NSUN3: variants seen among roughly 807,000 people sequenced by gnomAD.
The protein encoded by NSUN3 is tRNA (cytosine(34)-C(5))-methyltransferase, mitochondrial.
In NSUN3, 24 loss-of-function variants were observed where a neutral mutation model predicts 36.8. The observed-to-expected ratio is 0.65, with a 90% CI of 0.47 to 0.92. NSUN3 has a LOEUF of 0.92. Among genes scored for constraint, NSUN3 ranks in the 40% least tolerant of loss-of-function variants. The pLI, the probability that NSUN3 is intolerant of heterozygous loss-of-function variation, is 0.00. For missense variants in NSUN3, 381 were observed against 392.8 expected, an observed-to-expected ratio of 0.97 and a Z score of 0.25; for synonymous variants, 146 against 145.2, an observed-to-expected ratio of 1.01 and a Z score of -0.04.
intron 2 of NSUN3, among the ~76,000 whole-genome samples, 174 bp from the exon 3 acceptor site, chr3:94,083,933 T>C (rs770350221): frequency 2.6e-5 from 4 of 152,122 alleles, no homozygotes; most frequent in Admixed American, 6.6e-5. Context: ...CTGGATTCAG[T>C]CCTGTCAGAG....
At chr3:94,116,612 CTA>C (rs898101617) in intron 5 of NSUN3, among the ~76,000 whole-genome samples, 1 of 152,018 alleles carries the variant, frequency 6.6e-6, no homozygotes, top group Non-Finnish European at 1.5e-5. Context: ...GGATAACTAA[CTA>C]TGTGGTTAAC....
intron 3 of NSUN3, among the ~76,000 whole-genome samples, chr3:94,093,048 G>C (rs1166397820): frequency 6.6e-6 from 1 of 151,864 alleles, no homozygotes; most frequent in Non-Finnish European, 1.5e-5. Context: ...TTGGGAAATG[G>C]AGTAGTCCAT....
At chr3:94,109,099 G>A (rs930931350) in intron 5 of NSUN3, among the ~76,000 whole-genome samples, 1 of 152,188 alleles carries the variant, frequency 6.6e-6, no homozygotes, top group Non-Finnish European at 1.5e-5. Context: ...AACAGAATAG[G>A]GAGAAATTCC....
At position 94,130,325 on chromosome 3, in the gene NSUN3, A is replaced by G. The variant is rs1385774569; in HGVS notation, c.*3835A>G. On this transcript the variant is annotated 3_prime_UTR_variant, in exon 6 of 6. Transcript: ENST00000314622. ...ATCCTAGTAATAGCAGACCCTGCAC[A>G]AAGTGGATATCAGAGTTAATACTGT... 1.3e-5 allele frequency among the ~76,000 whole-genome samples: 2 copies of G among 152,210 alleles called. No individual in the cohort carries two copies. The highest frequency in any genetic ancestry group is 4.8e-5 in the African/African-American group (2 of 41,454).
At chr3:94,111,647 C>A (rs1354473573) in intron 5 of NSUN3, among the ~76,000 whole-genome samples, 1 of 151,836 alleles carries the variant, frequency 6.6e-6, no homozygotes, top group Non-Finnish European at 1.5e-5. Flanking sequence ...ATACTTTAGC[C>A]TAGGCCTGCA....
intron 5 of NSUN3, among the ~76,000 whole-genome samples, chr3:94,107,702 C>T (rs2077395830): frequency 6.6e-6 from 1 of 152,100 alleles, no homozygotes; most frequent in Admixed American, 6.5e-5. Flanking sequence ...GTGTAAGGGA[C>T]AACTGACATT....
chr3:94,101,345 AT>A (rs1168281777), intron 5 of NSUN3, among the ~76,000 whole-genome samples: 1 of 152,082 alleles, frequency 6.6e-6, no homozygotes, highest in Non-Finnish European at 1.5e-5. Context: ...ACTCCTTAAA[AT>A]TTTTTAAAAT....
chr3:94,069,938 A>G (rs896909991), intron 2 of NSUN3, among the ~76,000 whole-genome samples: 4 of 152,166 alleles, frequency 2.6e-5, no homozygotes, highest in Admixed American at 2.0e-4. Context: ...AAATTCAGTT[A>G]TTCTTGTGTA....
At chr3:94,071,056 G>T (rs912546520) in intron 2 of NSUN3, among the ~76,000 whole-genome samples, 1 of 152,192 alleles carries the variant, frequency 6.6e-6, no homozygotes, top group South Asian at 2.1e-4. Context: ...CACAAAATAG[G>T]CATAAAAATG....
chr3:94,108,879 G>A (rs548011205), intron 5 of NSUN3, among the ~76,000 whole-genome samples: 1 of 151,786 alleles, frequency 6.6e-6, no homozygotes, highest in Admixed American at 6.6e-5. Flanking sequence ...TGGTCAGGCT[G>A]GTCTCGAACT....
At chr3:94,075,738 C>A (rs528435978) in intron 2 of NSUN3, among the ~76,000 whole-genome samples, 24 of 152,110 alleles carry the variant, frequency 1.6e-4, no homozygotes, top group African/African-American at 5.3e-4. Context: ...AAGCCCCCCC[C>A]CCCAATAATA....
rs2077503499 is a variant in NSUN3 at position 94,129,989 on chromosome 3, T to C, written c.*3499T>C. Among the ~76,000 whole-genome samples, 1 of 151,976 alleles carries C rather than the reference T, an allele frequency of 6.6e-6. No homozygotes were observed. Among genetic ancestry groups the C allele is most frequent in the African/African-American group, 2.4e-5 (1 of 41,362 alleles). Reference sequence around the variant, plus strand: ...CAGGTTGATCTTGAACTCCTGACCTTGTCATCCACCTGCCTCAGCCTCCCA... The same window carrying C: ...CAGGTTGATCTTGAACTCCTGACCTCGTCATCCACCTGCCTCAGCCTCCCA... On this transcript the variant is annotated 3_prime_UTR_variant, in exon 6 of 6. Transcript: ENST00000314622.
intron 5 of NSUN3, among the ~76,000 whole-genome samples, chr3:94,107,577 A>G (rs1264223959): frequency 6.6e-6 from 1 of 152,078 alleles, no homozygotes; most frequent in African/African-American, 2.4e-5. Flanking sequence ...GTGAGCCACC[A>G]TGCCCGGCTA....
chr3:94,116,985 C>CTTTTTTTTTTTTTTTTTTT (rs60234250), intron 5 of NSUN3, among the ~76,000 whole-genome samples: 1 of 63,958 alleles, frequency 1.6e-5, no homozygotes, highest in Non-Finnish European at 2.8e-5. Context: ...TCTGCCACAA[C>CTTTTTTTTTTTTTTTTTTT]TTTTTTTTTT....
At chr3:94,086,118 A>G (rs1488794647) in intron 3 of NSUN3, among the ~76,000 whole-genome samples, 1 of 151,858 alleles carries the variant, frequency 6.6e-6, no homozygotes. Context: ...TAATTTTTAT[A>G]TTTTTAATAG....
chr3:94,122,081 G>A (rs1398618040), intron 5 of NSUN3, among the ~76,000 whole-genome samples: 1 of 150,656 alleles, frequency 6.6e-6, no homozygotes, highest in Non-Finnish European at 1.5e-5. Context: ...AGAGGTGGAG[G>A]TTGCAGTGAG....
At chr3:94,063,784 A>AT (rs765135571) in intron 1 of NSUN3, 2,856 of 142,234 alleles carry the variant, frequency 0.02, 149 homozygotes, top group Admixed American at 0.11. Context: ...CGCCTGGCTA[A>AT]TTTTTTTTTT....
intron 2 of NSUN3, chr3:94,076,203 G>A: frequency 2.2e-6 from 2 of 922,212 alleles, no homozygotes; most frequent in Non-Finnish European, 3.6e-6. Context: ...GTCTCACTGT[G>A]AGGTGACTAC....
intron 3 of NSUN3, among the ~76,000 whole-genome samples, chr3:94,090,331 C>T (rs2077309480): frequency 6.6e-6 from 1 of 152,036 alleles, no homozygotes; most frequent in South Asian, 2.1e-4. Context: ...AAAGTTTAAC[C>T]AACCTAAGAC....
Sources: gnomAD v4.1 joint callset for allele counts (sites outside exome capture counted in the v4.1 genomes callset) on GRCh38, gnomAD v4.1.1 for gene constraint, MANE v1.5 for transcripts, NCBI Gene and HGNC (gene_info 2026-07-23, HGNC 2026-07-21) for gene names.